PDE1C: variants seen among roughly 807,000 people sequenced by gnomAD.
The protein encoded by PDE1C is dual specificity calcium/calmodulin-dependent 3',5'-cyclic nucleotide phosphodiesterase 1C.
In PDE1C, 62 loss-of-function variants were observed where a neutral mutation model predicts 93.1. The ratio of observed to expected loss-of-function variants is 0.67; its 90% CI spans 0.54 to 0.82. PDE1C has a LOEUF of 0.82. Among genes scored for constraint, PDE1C ranks in the 40% least tolerant of loss-of-function variants. The pLI, the probability that PDE1C is intolerant of heterozygous loss-of-function variation, is 0.00. For synonymous variants in PDE1C, 325 were observed against 310.1 expected, an observed-to-expected ratio of 1.05 and a Z score of -0.50; for missense variants, 742 against 884.6, an observed-to-expected ratio of 0.84 and a Z score of 2.04.
At chr7:32,066,540 T>A (rs1380357918) in intron 1 of PDE1C, among the ~76,000 whole-genome samples, 1 of 152,124 alleles carries the variant, frequency 6.6e-6, no homozygotes, top group Non-Finnish European at 1.5e-5. Flanking sequence ...GCTCTCAGTT[T>A]TTAAAAAATG....
At position 32,259,831 on chromosome 7, in the gene PDE1C, C is replaced by T. The variant is rs71530579; in HGVS notation, c.85+38820G>A. 8.3e-3 allele frequency among the ~76,000 whole-genome samples: 1,269 copies of T among 152,292 alleles called. 12 individuals are homozygous for T. The highest frequency in any genetic ancestry group is 0.014 in the Non-Finnish European group (929 of 68,024). On this transcript the variant is annotated intron_variant, in intron 1 of 18. Transcript: ENST00000396193. Reference sequence around the variant, plus strand: ...CACCCCCACGAGCCCCTCCTGCCCCCAAGCAGGTGATGAATGGGTTTACTT... The same window carrying T: ...CACCCCCACGAGCCCCTCCTGCCCCTAAGCAGGTGATGAATGGGTTTACTT...
chr7:32,261,358 C>T (rs528336942), intron 1 of PDE1C, among the ~76,000 whole-genome samples: 5 of 152,252 alleles, frequency 3.3e-5, no homozygotes, highest in African/African-American at 4.8e-5. Context: ...ACTTCAACCC[C>T]CTATGATTCC....
intron 7 of PDE1C, 64 bp downstream of exon 7, chr7:31,864,878 A>G: frequency 6.6e-7 from 1 of 1,511,842 alleles, no homozygotes; most frequent in Non-Finnish European, 9.1e-7. Context: ...GAATTGGAAC[A>G]GTCACCATTA....
At chr7:31,873,935 C>T (rs1796236430) in intron 5 of PDE1C, among the ~76,000 whole-genome samples, 2 of 152,172 alleles carry the variant, frequency 1.3e-5, no homozygotes, top group South Asian at 4.1e-4. Context: ...TTGACACTAT[C>T]CAATGACTTC....
At chr7:31,988,702 A>T (rs558895504) in intron 2 of PDE1C, among the ~76,000 whole-genome samples, 100 of 152,290 alleles carry the variant, frequency 6.6e-4, no homozygotes, top group African/African-American at 2.0e-3. Flanking sequence ...TCTTATAAAA[A>T]CAAATAAATA....
chr7:32,111,031 G>A (rs148465526), intron 3 of PDE1C, among the ~76,000 whole-genome samples: 2 of 152,236 alleles, frequency 1.3e-5, no homozygotes, highest in East Asian at 3.9e-4. Flanking sequence ...GCAGGGAAGA[G>A]GGTTTCACAT....
At chr7:31,735,309 A>T in the PDE1C span, among the ~76,000 whole-genome samples, 1 of 151,952 alleles carries the variant, frequency 6.6e-6, no homozygotes, top group African/African-American at 2.4e-5. Flanking sequence ...GAGGCAGGAG[A>T]ATCGCTTGAA....
intron 1 of PDE1C, among the ~76,000 whole-genome samples, chr7:32,264,072 T>C (rs1585047751): frequency 6.6e-6 from 1 of 152,336 alleles, no homozygotes; most frequent in South Asian, 2.1e-4. Flanking sequence ...TATCCATTGA[T>C]GATTCTTGCC....
At chr7:31,892,754 C>G (rs1798801796) in intron 2 of PDE1C, among the ~76,000 whole-genome samples, 1 of 152,000 alleles carries the variant, frequency 6.6e-6, no homozygotes, top group Admixed American at 6.6e-5. Flanking sequence ...GCATAATGTC[C>G]TCTAGGGAGT....
the PDE1C span, among the ~76,000 whole-genome samples, chr7:31,620,182 CACAG>C: frequency 2.6e-5 from 4 of 152,234 alleles, no homozygotes; most frequent in South Asian, 8.3e-4. Flanking sequence ...GGGGGCAGGG[CACAG>C]ACAAACAAAA....
chr7:31,786,609 G>A (rs1264913766), intron 16 of PDE1C: 1 of 152,064 alleles, frequency 6.6e-6, no homozygotes, highest in African/African-American at 2.4e-5. Flanking sequence ...CACTGTGGTG[G>A]GCCAGCACTG....
the PDE1C span, among the ~76,000 whole-genome samples, chr7:31,696,572 A>C: frequency 6.6e-6 from 1 of 152,162 alleles, no homozygotes; most frequent in Non-Finnish European, 1.5e-5. Context: ...CTTGCAATAC[A>C]TCAGATGAAA....
intron 16 of PDE1C, among the ~76,000 whole-genome samples, chr7:31,797,744 GA>G (rs890755950): frequency 4.0e-5 from 6 of 151,108 alleles, no homozygotes; most frequent in African/African-American, 1.5e-4. Context: ...AAATAATGAG[GA>G]AAAAAAATCG....
At chr7:32,403,329 C>T (rs956693584) in intron 1 of PDE1C, among the ~76,000 whole-genome samples, 2 of 152,216 alleles carry the variant, frequency 1.3e-5, no homozygotes, top group Admixed American at 1.3e-4. Flanking sequence ...CCCCTCTCTC[C>T]ACTGTAGATT....
intron 3 of PDE1C, among the ~76,000 whole-genome samples, chr7:32,113,260 T>TAG (rs1798781391): frequency 7.1e-6 from 1 of 141,728 alleles, no homozygotes; most frequent in Admixed American, 7.1e-5. Flanking sequence ...TATATATATA[T>TAG]ATATGGATGT....
At chr7:31,764,525 C>T (rs1795023495) in intron 17 of PDE1C, among the ~76,000 whole-genome samples, 1 of 152,170 alleles carries the variant, frequency 6.6e-6, no homozygotes, top group Admixed American at 6.5e-5. Context: ...CTTAGATAAC[C>T]AACCAAGACG....
chr7:31,645,432 A>G, the PDE1C span, among the ~76,000 whole-genome samples: 1 of 152,206 alleles, frequency 6.6e-6, no homozygotes, highest in Non-Finnish European at 1.5e-5. Context: ...TTGAACAGGT[A>G]AGAGAAAGCT....
At chr7:32,183,217 C>G (rs1477004738) in intron 2 of PDE1C, among the ~76,000 whole-genome samples, 1 of 152,114 alleles carries the variant, frequency 6.6e-6, no homozygotes, top group Non-Finnish European at 1.5e-5. Context: ...TGAAAATGGC[C>G]ATACTGCCCA....
intron 2 of PDE1C, among the ~76,000 whole-genome samples, chr7:31,921,977 A>G (rs911731577): frequency 6.6e-6 from 1 of 150,644 alleles, no homozygotes; most frequent in Non-Finnish European, 1.5e-5. Context: ...TGAGAAAATT[A>G]GAGTTAAGAG....
Sources: gnomAD v4.1 joint callset for allele counts (sites outside exome capture counted in the v4.1 genomes callset) on GRCh38, gnomAD v4.1.1 for gene constraint, MANE v1.5 for transcripts, NCBI Gene and HGNC (gene_info 2026-07-23, HGNC 2026-07-21) for gene names.